The following PXDN variants were observed in gnomAD, a reference collection of about 807,000 sequenced individuals.
PXDN encodes the protein peroxidasin.
A neutral mutation model predicts 140.3 loss-of-function variants in PXDN; 77 were observed. The ratio of observed to expected loss-of-function variants is 0.55; its 90% confidence interval spans 0.46 to 0.66. PXDN has a LOEUF of 0.66. PXDN is among the 30% of genes least tolerant of loss of function. PXDN has a pLI of 0.00. For missense variants in PXDN, 1,838 were observed against 2,039.5 expected (o/e 0.90, Z 1.90); for synonymous variants, 911 against 857.4 (o/e 1.06, Z -1.09).
At chr2:1,662,548 G>T (rs971702841) in intron 12 of PXDN, among the ~76,000 whole-genome samples, 1 of 152,208 alleles carries the variant, frequency 6.6e-6, no homozygotes, top group Non-Finnish European at 1.5e-5. Flanking sequence ...GTGCCGCAGG[G>T]CCCACAGAGG....
Position 1,687,691 on chromosome 2 carries a change from C to A in PXDN, c.357G>T (p.Lys119Asn). Residue 119 changes from lysine to asparagine, a missense_variant, in exon 4 of 23, where the codon AAG (lysine) becomes AAT (asparagine). Lys to Asn is a moderately conservative substitution (Grantham distance 94). This residue lies in a region of PXDN where 231 missense variants were observed against 201.5 expected (regional missense o/e 1.15). Transcript: ENST00000252804. This position sits in a 1 kb window ranked among gnomAD's most constrained non-coding sequence, Gnocchi z 4.0. ...LENLKYLYLY[K>N]NEIQSIDRQA... ...GCCTGTCAATTGACTGGATCTCATT[C>A]TTGTACAGATAGCTGAAACAAGAAA... 6.6e-7 allele frequency: 1 copy of A among 1,523,852 alleles called. No homozygotes were observed. Among genetic ancestry groups the A allele is most frequent in the Non-Finnish European group, 9.1e-7 (1 of 1,102,352 alleles). 94.4% of individuals were successfully genotyped at this position (1,523,852 alleles called of 1,614,324 possible).
At chr2:1,724,950 G>C (rs1685143156) in intron 1 of PXDN, among the ~76,000 whole-genome samples, 1 of 152,124 alleles carries the variant, frequency 6.6e-6, no homozygotes. Flanking sequence ...AGATCACTTT[G>C]GGTTGTGTAG....
intron 10 of PXDN, 119 bp from the exon 11 acceptor site, chr2:1,665,193 C>T (rs765494525): frequency 2.1e-5 from 16 of 754,978 alleles, no homozygotes; most frequent in African/African-American, 6.9e-5. Flanking sequence ...ATGTCTACAA[C>T]GAAGAGTCAG....
chr2:1,729,077 CAG>C (rs1246987050), intron 1 of PXDN, among the ~76,000 whole-genome samples: 1 of 152,074 alleles, frequency 6.6e-6, no homozygotes, highest in African/African-American at 2.4e-5. Context: ...GACTGTGAGG[CAG>C]AGATCAAACA....
At position 1,653,890 on chromosome 2, in the gene PXDN, A is replaced by G. The variant is rs1211608340; in HGVS notation, c.1947-105T>C. 3 of 1,306,038 alleles carry G rather than the reference A, an allele frequency of 2.3e-6. No homozygotes were observed. The East Asian group carries it at 7.6e-5, about 33-fold the overall frequency. 80.9% of individuals were successfully genotyped at this position (1,306,038 alleles called of 1,614,324 possible). A position where few individuals can be genotyped will look rare whatever the true frequency, so the allele number is the denominator to read the frequency against. ...CATTGCTATTAATATTTCTACGGCT[A>G]CTTTCTACAACATAATGTACTATAC... On this transcript the variant is annotated intron_variant, in intron 15 of 22. Coordinates refer to ENST00000252804, the MANE Select transcript of PXDN (RefSeq NM_012293.3).
At chr2:1,717,501 T>C (rs1370392400) in intron 1 of PXDN, among the ~76,000 whole-genome samples, 4 of 152,114 alleles carry the variant, frequency 2.6e-5, no homozygotes, top group Admixed American at 2.0e-4. Flanking sequence ...TAAACTCCTA[T>C]TGACAAAAGA....
chr2:1,671,856 G>A (rs1282558483), intron 9 of PXDN, among the ~76,000 whole-genome samples: 1 of 152,194 alleles, frequency 6.6e-6, no homozygotes, highest in African/African-American at 2.4e-5. Context: ...ACTCTGCCAT[G>A]GTAGCATACA....
chr2:1,719,865 TGTGTGTGTGA>T (rs1362383490), intron 1 of PXDN, among the ~76,000 whole-genome samples: 4 of 147,840 alleles, frequency 2.7e-5, no homozygotes, highest in Non-Finnish European at 3.0e-5. Context: ...TGTGTGTGTG[TGTGTGTGTGA>T]AAGAGAGAGA....
At chr2:1,728,728 C>G (rs998698594) in intron 1 of PXDN, among the ~76,000 whole-genome samples, 2 of 152,210 alleles carry the variant, frequency 1.3e-5, no homozygotes, top group Non-Finnish European at 2.9e-5. Flanking sequence ...GGTGGAGAAG[C>G]TCCACTCAGG....
chr2:1,736,513 A>G (rs1293739451), intron 1 of PXDN, among the ~76,000 whole-genome samples: 6 of 152,174 alleles, frequency 3.9e-5, no homozygotes, highest in African/African-American at 1.4e-4. Flanking sequence ...CAATTACAAT[A>G]GTAACATAAA....
chr2:1,643,441 C>T lies in PXDN; in HGVS notation c.3879G>A (p.Glu1293=). Residue 1293 remains glutamate, a synonymous_variant, in exon 19 of 23, where the codon GAG becomes GAA. Transcript: ENST00000252804. ...CACAGCTGCCGTAGCCGTGAGGGAACTCCGCCACCCTGAACACGTCGCTCT... is the reference window on the plus strand; with the variant it reads ...CACAGCTGCCGTAGCCGTGAGGGAATTCCGCCACCCTGAACACGTCGCTCT... The part of the protein sequence containing the change: ...RVQSDVFRVA[E]FPHGYGSCDE... The T allele has an allele frequency of 1.2e-6, 2 of 1,613,990 alleles. No homozygotes were observed. Among genetic ancestry groups the T allele is most frequent in the Non-Finnish European group, 1.7e-6 (2 of 1,179,896 alleles).
chr2:1,679,836 GGTGT>G lies in PXDN; in HGVS notation c.730+353_730+356del, dbSNP rs145707840. 3.7e-4 allele frequency among the ~76,000 whole-genome samples: 53 copies of G among 145,060 alleles called. 1 individual carries two copies. Among genetic ancestry groups the G allele is most frequent in the East Asian group, 3.6e-3 (17 of 4,682 alleles). On this transcript the variant is annotated intron_variant, in intron 7 of 22. Transcript: ENST00000252804. ...GTGTGTAAATGGTGTGTGTGTGGAT[GGTGT>G]GTGTGTGTATGTGCGTGTGTGTGGT...
rs771236606 is a variant in PXDN, at chr2:1,673,685, C to T, written c.976G>A (p.Val326Met). 2 of 1,613,852 alleles carry T rather than the reference C, an allele frequency of 1.2e-6. No homozygotes were observed. The highest frequency in any genetic ancestry group is 1.7e-6 in the Non-Finnish European group (2 of 1,179,870). The change falls in exon 9 of 23, where the codon GTG (valine) becomes ATG (methionine). Residue 326 changes from valine (V) to methionine (M), a missense_variant. Around this residue, in one of 5 missense-constraint regions of PXDN, gnomAD observed 208 missense variants for 325.8 expected, o/e 0.64. Transcript: ENST00000252804. Reference protein sequence around the residue: ...QCMAKNVAGEVKTQEVTLRYF... With the variant: ...QCMAKNVAGEMKTQEVTLRYF... ...CTGAGGGTCACCTCTTGCGTCTTCA[C>T]CTCTCCGGCCACGTTCTTTGCCATG...
chr2:1,663,955 G>A (rs955581919), intron 11 of PXDN, 192 bp from the exon 12 acceptor site: 17 of 623,086 alleles, frequency 2.7e-5, no homozygotes, highest in Admixed American at 2.6e-4. Context: ...CCCTGCACCC[G>A]TAACTCAGAC....
intron 9 of PXDN, among the ~76,000 whole-genome samples, chr2:1,666,961 T>C (rs1337193706): frequency 1.3e-5 from 2 of 152,134 alleles, no homozygotes; most frequent in African/African-American, 4.8e-5. Context: ...CAGAAAAAAG[T>C]CCATACAATT....
chr2:1,685,727 C>T lies in PXDN; in HGVS notation c.417-1576G>A, dbSNP rs1204549789. Among the ~76,000 whole-genome samples, 7 of 136,282 alleles carry T rather than the reference C, an allele frequency of 5.1e-5. No individual in the cohort carries two copies. The East Asian group carries it at 1.4e-3, about 27-fold the overall frequency. The allele number at this position is 136,282 out of a possible 152,430, so 89.4% of individuals were successfully genotyped here. A position where few individuals can be genotyped will look rare whatever the true frequency, so the allele number is the denominator to read the frequency against. On this transcript the variant is annotated intron_variant, in intron 4 of 22. Transcript: ENST00000252804. The surrounding 1 kb of genome is among the most constrained non-coding windows in gnomAD (Gnocchi z 5.1). ...GGACGGCTGAGTGGGTGGGACTTGG[C>T]ACCTGCTGCACAGGTGCTACGGGAA... is the stretch of plus-strand genomic sequence containing the variant.
chr2:1,726,855 G>A (rs1344932976), intron 1 of PXDN, among the ~76,000 whole-genome samples: 4 of 152,060 alleles, frequency 2.6e-5, no homozygotes, highest in Non-Finnish European at 4.4e-5. Flanking sequence ...TTTATTGTCC[G>A]TAATTCTTAG....
chr2:1,656,263 C>G (rs1237240457), intron 14 of PXDN, among the ~76,000 whole-genome samples: 1 of 152,206 alleles, frequency 6.6e-6, no homozygotes, highest in Non-Finnish European at 1.5e-5. Context: ...TAGTAAGTCC[C>G]TAGTTGATAC....
intron 1 of PXDN, among the ~76,000 whole-genome samples, chr2:1,717,105 G>C (rs1167451103): frequency 6.6e-6 from 1 of 152,160 alleles, no homozygotes; most frequent in Non-Finnish European, 1.5e-5. Context: ...ATGTAACACA[G>C]CCATCGATCT....
Sources: gnomAD v4.1 joint callset for allele counts (sites outside exome capture counted in the v4.1 genomes callset) on GRCh38, gnomAD v4.1.1 for gene constraint, gnomAD v4.1.1 regional missense constraint, Gnocchi (gnomAD v3.1) non-coding constraint, MANE v1.5 for transcripts, NCBI Gene and HGNC (gene_info 2026-07-23, HGNC 2026-07-21) for gene names.